Variants in PRKN observed in about 807,000 individuals in gnomAD.
PRKN encodes parkin RBR E3 ubiquitin protein ligase, also known as E3 ubiquitin-protein ligase parkin.
Under a neutral mutation model 59.5 loss-of-function variants are expected in PRKN, and 56 were observed. The observed-to-expected ratio is 0.94, with a 90% CI of 0.76 to 1.18. PRKN has a LOEUF of 1.18. PRKN is among the 50% of genes most tolerant of loss of function. The probability of loss-of-function intolerance (pLI) is 0.00; values close to 1 mark genes in which losing one functional copy is unlikely to be tolerated. For synonymous variants in PRKN, 250 were observed against 222.1 expected, an observed-to-expected ratio of 1.13 and a Z score of -1.12; for missense variants, 657 against 596.4, an observed-to-expected ratio of 1.10 and a Z score of -1.06.
intron 6 of PRKN, among the ~76,000 whole-genome samples, chr6:161,797,461 C>T (rs557976531): frequency 5.1e-4 from 77 of 152,186 alleles, no homozygotes; most frequent in African/African-American, 1.3e-3. Context: ...GATGGGGTTT[C>T]GCCATGTTGG....
In PRKN at chr6:161,874,378, A is replaced by G. The variant is rs1207680556; in HGVS notation, c.735-88470T>C. On this transcript the variant is annotated intron_variant, in intron 6 of 11. Coordinates refer to ENST00000366898, the MANE Select transcript of PRKN (RefSeq NM_004562.3). ...ATATATTATATGTAAAATATTATAT[A>G]TAAAATATATATTATATGTAAAATA... 9.8e-4 allele frequency among the ~76,000 whole-genome samples: 90 copies of G among 91,898 alleles called. 1 individual carries two copies. The highest frequency in any genetic ancestry group is 1.2e-3 in the Non-Finnish European group (64 of 53,910). The allele number at this position is 91,898 out of a possible 152,430, so 60.3% of individuals were successfully genotyped here.
chr6:162,145,389 G>A (rs1781977307), intron 4 of PRKN, among the ~76,000 whole-genome samples: 1 of 152,172 alleles, frequency 6.6e-6, no homozygotes, highest in Admixed American at 6.5e-5. Flanking sequence ...TTTCCTGTAA[G>A]TAAGGACCAT....
intron 2 of PRKN, among the ~76,000 whole-genome samples, chr6:162,316,775 C>T (rs938307268): frequency 5.9e-5 from 9 of 152,126 alleles, no homozygotes; most frequent in South Asian, 2.1e-4. Flanking sequence ...AACATGAATA[C>T]GACCTCATTC....
intron 1 of PRKN, among the ~76,000 whole-genome samples, chr6:162,612,462 G>A (rs1465088268): frequency 6.6e-6 from 1 of 151,418 alleles, no homozygotes; most frequent in Non-Finnish European, 1.5e-5. Flanking sequence ...AGACATCGCG[G>A]TATTGAACCA....
At chr6:162,604,281 A>G (rs527239614) in intron 1 of PRKN, among the ~76,000 whole-genome samples, 3 of 152,268 alleles carry the variant, frequency 2.0e-5, no homozygotes, top group African/African-American at 7.2e-5. Context: ...CTCAGCACTG[A>G]TCCCCTTGGG....
intron 2 of PRKN, among the ~76,000 whole-genome samples, chr6:162,274,494 G>GT (rs1001816654): frequency 2.0e-5 from 3 of 151,964 alleles, no homozygotes; most frequent in Admixed American, 1.3e-4. Flanking sequence ...GGCGTTCAAT[G>GT]TTTTTTTATT....
chr6:161,564,574 T>C (rs1316819210), intron 8 of PRKN, among the ~76,000 whole-genome samples: 1 of 152,196 alleles, frequency 6.6e-6, no homozygotes, highest in African/African-American at 2.4e-5. Flanking sequence ...AATGTTTTTG[T>C]GTCTGCAATC....
At chr6:161,767,390 G>A (rs9355932) in intron 7 of PRKN, among the ~76,000 whole-genome samples, 81,712 of 151,956 alleles carry the variant, frequency 0.54, 22,292 homozygotes, top group Non-Finnish European at 0.58. Flanking sequence ...GGTGGCGGGC[G>A]CCTGTAGTCC....
intron 2 of PRKN, among the ~76,000 whole-genome samples, chr6:162,420,780 G>A (rs1185453428): frequency 1.3e-5 from 2 of 152,092 alleles, no homozygotes; most frequent in African/African-American, 4.8e-5. Flanking sequence ...GAGATAAGCA[G>A]GAAAAAGATG....
At chr6:162,478,365 GAAC>G (rs1473244058) in intron 1 of PRKN, among the ~76,000 whole-genome samples, 2 of 152,118 alleles carry the variant, frequency 1.3e-5, no homozygotes, top group African/African-American at 4.8e-5. Flanking sequence ...ACACTAGGGA[GAAC>G]AACAAGTCCA....
chr6:161,603,146 G>T (rs190197700), intron 7 of PRKN, among the ~76,000 whole-genome samples: 1 of 152,100 alleles, frequency 6.6e-6, no homozygotes, highest in South Asian at 2.1e-4. Context: ...CTAAATTGCC[G>T]ATTTTTTTTT....
intron 2 of PRKN, among the ~76,000 whole-genome samples, chr6:162,365,996 C>T (rs746229502): frequency 9.2e-5 from 14 of 152,030 alleles, no homozygotes; most frequent in Non-Finnish European, 2.1e-4. Context: ...AGAGATGCCT[C>T]GAAGTAAAAT....
intron 1 of PRKN, among the ~76,000 whole-genome samples, chr6:162,598,106 G>A (rs1351291892): frequency 6.6e-6 from 1 of 152,168 alleles, no homozygotes; most frequent in Non-Finnish European, 1.5e-5. Flanking sequence ...CACCATCTGT[G>A]TTGCCAAAGG....
rs1787421173 is a variant in PRKN at position 161,409,348 on chromosome 6, C to T, written c.1084-22471G>A. Reference sequence around the variant, plus strand: ...TGAGACGATGACAGCATTGTGTGTTCTCTAAAGCGCCAGGTTATAACGGCC... The same window carrying T: ...TGAGACGATGACAGCATTGTGTGTTTTCTAAAGCGCCAGGTTATAACGGCC... On this transcript the variant is annotated intron_variant, in intron 9 of 11. Transcript: ENST00000366898. This position sits in a 1 kb window ranked among gnomAD's most constrained non-coding sequence, Gnocchi z 4.6. Among the ~76,000 whole-genome samples, 2 of 152,182 alleles carry T rather than the reference C, an allele frequency of 1.3e-5. No homozygotes were observed. The highest frequency in any genetic ancestry group is 4.8e-5 in the African/African-American group (2 of 41,432).
chr6:161,716,117 C>G (rs1369478131), intron 7 of PRKN: 1 of 1,346,482 alleles, frequency 7.4e-7, no homozygotes, highest in South Asian at 1.1e-5. Flanking sequence ...CTAAGCACCA[C>G]TGTGTCTCCA....
At chr6:162,070,735 C>A (rs548210798) in intron 4 of PRKN, among the ~76,000 whole-genome samples, 1 of 152,154 alleles carries the variant, frequency 6.6e-6, no homozygotes, top group Non-Finnish European at 1.5e-5. Flanking sequence ...CTAGATCCCC[C>A]ACATGCACAG....
chr6:162,556,496 C>G (rs1001640288), intron 1 of PRKN, among the ~76,000 whole-genome samples: 3 of 151,516 alleles, frequency 2.0e-5, no homozygotes, highest in Non-Finnish European at 4.4e-5. Context: ...CACCTGTAAT[C>G]CCAGCACTTT....
At chr6:162,161,087 C>A (rs542805911) in intron 4 of PRKN, among the ~76,000 whole-genome samples, 2 of 152,288 alleles carry the variant, frequency 1.3e-5, no homozygotes, top group South Asian at 4.1e-4. Context: ...ACTACTCCAA[C>A]CCTTAGGGTC....
At chr6:161,609,945 C>A (rs923237003) in intron 7 of PRKN, among the ~76,000 whole-genome samples, 1 of 152,014 alleles carries the variant, frequency 6.6e-6, no homozygotes, top group Non-Finnish European at 1.5e-5. Context: ...GAGACTGTTC[C>A]CCATAGTTTA....
Sources: allele counts gnomAD v4.1 joint callset (sites outside exome capture counted in the v4.1 genomes callset), GRCh38; gene constraint gnomAD v4.1.1; non-coding constraint Gnocchi (gnomAD v3.1); transcripts MANE v1.5; gene names NCBI Gene and HGNC (gene_info 2026-07-23, HGNC 2026-07-21).